BOC: variants seen among roughly 807,000 people sequenced by gnomAD.
The protein encoded by BOC is brother of CDO.
In BOC, 76 loss-of-function variants were observed where a neutral mutation model predicts 112.0. The observed-to-expected ratio is 0.68, with a 90% CI of 0.56 to 0.82. The LOEUF is 0.82. Ranked by LOEUF, BOC falls within the 40% of genes least tolerant of loss-of-function variation. The pLI, the probability that BOC is intolerant of heterozygous loss-of-function variation, is 0.00. For missense variants in BOC, 1,309 were observed against 1,511.7 expected, an observed-to-expected ratio of 0.87 and a Z score of 2.22; for synonymous variants, 580 against 599.8, an observed-to-expected ratio of 0.97 and a Z score of 0.48.
intron 2 of BOC, among the ~76,000 whole-genome samples, chr3:113,236,320 A>ATATATATATATATATATATAT (rs1553726986): frequency 3.2e-5 from 3 of 93,830 alleles, no homozygotes; most frequent in African/African-American, 6.5e-5. Flanking sequence ...ATACCCATGG[A>ATATATATATATATATATATAT]ATACTGCTCA....
chr3:113,284,746 C>T (rs775316219), intron 17 of BOC, 36 bp from the exon 18 acceptor site: 13 of 1,596,116 alleles, frequency 8.1e-6, no homozygotes, highest in African/African-American at 8.0e-5. Flanking sequence ...CTGGACTCCC[C>T]GGCGTGGCCG....
chr3:113,278,339 AC>A lies in BOC; in HGVS notation c.1705+84del. The A allele has an allele frequency of 6.9e-7, 1 of 1,448,908 alleles. No individual in the cohort carries two copies. The allele number at this position is 1,448,908 out of a possible 1,614,324, so 89.8% of individuals were successfully genotyped here. ...CTGGCCCAGGTGAGAATTCCTGCTC[AC>A]CTTGCCCCAGCTGTTCACCTTGAAC... On this transcript the variant is annotated intron_variant, in intron 10 of 19. Transcript: ENST00000682979. This position sits in a 1 kb window ranked among gnomAD's most constrained non-coding sequence, Gnocchi z 4.2.
chr3:113,277,855 G>T (rs1024139339), intron 9 of BOC, among the ~76,000 whole-genome samples: 12 of 152,214 alleles, frequency 7.9e-5, no homozygotes, highest in Non-Finnish European at 1.5e-5. Flanking sequence ...CCCCCACTGA[G>T]GTTTCTTTGA....
chr3:113,212,968 G>A (rs1938533592), intron 1 of BOC, among the ~76,000 whole-genome samples: 1 of 152,178 alleles, frequency 6.6e-6, no homozygotes, highest in African/African-American at 2.4e-5. Flanking sequence ...GCTGAGGGAT[G>A]AGAGAGGCAG....
intron 4 of BOC, among the ~76,000 whole-genome samples, chr3:113,252,170 G>C (rs1460799828): frequency 6.6e-6 from 1 of 152,220 alleles, no homozygotes; most frequent in Non-Finnish European, 1.5e-5. Context: ...CCTGTGGCCA[G>C]GAAGCTTAAA....
intron 2 of BOC, among the ~76,000 whole-genome samples, chr3:113,247,392 GCTTA>G (rs1036420538): frequency 4.7e-5 from 7 of 150,256 alleles, no homozygotes; most frequent in Non-Finnish European, 8.8e-5. Context: ...GAAACCAAAA[GCTTA>G]CTTTTTGGTG....
Position 113,281,069 on chromosome 3 carries a change from G to A in BOC, c.2350G>A (p.Glu784Lys). Residue 784 changes from glutamate (E) to lysine (K), a missense_variant, in exon 15 of 20, where the codon GAG becomes AAG. By Grantham distance (56) the Glu-to-Lys change is moderately conservative (BLOSUM62 1). Transcript: ENST00000682979. ...GCACTCCATCAGCCACCTGCAGCCA[G>A]AGACCTCCTACGACATTAAGATGCA... ...YWHSISHLQPETSYDIKMQCF... is the reference protein window; with the variant it reads ...YWHSISHLQPKTSYDIKMQCF... 6.2e-7 allele frequency: 1 copy of A among 1,614,096 alleles called. No individual in the cohort carries two copies. The highest frequency in any genetic ancestry group is 8.5e-7 in the Non-Finnish European group (1 of 1,180,020).
At chr3:113,251,051 G>A in intron 4 of BOC, 6 of 627,428 alleles carry the variant, frequency 9.6e-6, no homozygotes, top group Non-Finnish European at 1.7e-5. Flanking sequence ...GCTGTATCTG[G>A]AGTGAGTGTC....
chr3:113,260,716 ACAGAAAGAAC>A (rs1300219256), intron 4 of BOC, among the ~76,000 whole-genome samples: 44 of 99,064 alleles, frequency 4.4e-4, no homozygotes, highest in East Asian at 2.5e-3. Flanking sequence ...ACAGAACAGA[ACAGAAAGAAC>A]AGAACAGAAC....
chr3:113,228,335 C>G (rs1049173941), intron 2 of BOC, among the ~76,000 whole-genome samples: 10 of 152,064 alleles, frequency 6.6e-5, no homozygotes, highest in African/African-American at 2.4e-4. Flanking sequence ...AATGACAGAG[C>G]CTCTCAGGTG....
rs914790657 is a variant in BOC, at chr3:113,274,020, T to G, written c.1235-355T>G. Among the ~76,000 whole-genome samples the G allele has an allele frequency of 2.6e-5, 4 of 152,152 alleles. No individual in the cohort carries two copies. Among genetic ancestry groups the G allele is most frequent in the African/African-American group, 9.7e-5 (4 of 41,438 alleles). On this transcript the variant is annotated intron_variant, in intron 8 of 19. Coordinates refer to ENST00000682979, the MANE Select transcript of BOC (RefSeq NM_001378074.1). This position sits in a 1 kb window ranked among gnomAD's most constrained non-coding sequence, Gnocchi z 4.8. ...TAAAATTCCACCATGAAGGGACATG[T>G]CCCCACCTCCAGCCTAGACCGAGAA...
intron 2 of BOC, among the ~76,000 whole-genome samples, chr3:113,229,761 A>G (rs1020329891): frequency 4.6e-5 from 7 of 152,248 alleles, no homozygotes; most frequent in Non-Finnish European, 1.0e-4. Flanking sequence ...ATTTCTTTGA[A>G]ATGATACAGT....
chr3:113,249,853 A>C lies in BOC; in HGVS notation c.51A>C (p.Thr17=), dbSNP rs1576410911. 1.9e-6 allele frequency: 3 copies of C among 1,613,754 alleles called. No homozygotes were observed. The highest frequency in any genetic ancestry group is 2.5e-6 in the Non-Finnish European group (3 of 1,179,934). Residue 17 remains threonine, a synonymous_variant, in exon 3 of 20, where the codon ACA becomes ACC. Transcript: ENST00000682979. The part of the protein sequence containing the change: ...TAWRGMRPEV[T]LACLLLATAG... ...GGAGAGGAATGAGGCCTGAGGTCAC[A>C]CTGGCTTGCCTCCTCCTAGCCACAG... is the stretch of plus-strand genomic sequence containing the variant.
At chr3:113,223,872 G>C (rs1168892994) in intron 2 of BOC, among the ~76,000 whole-genome samples, 1 of 152,236 alleles carries the variant, frequency 6.6e-6, no homozygotes, top group African/African-American at 2.4e-5. Flanking sequence ...GAGCCCTGCA[G>C]GTCTGCAGTG....
intron 2 of BOC, among the ~76,000 whole-genome samples, chr3:113,222,786 C>G (rs1042925768): frequency 2.0e-5 from 3 of 152,188 alleles, no homozygotes; most frequent in African/African-American, 7.2e-5. Flanking sequence ...TGTGCCTGGG[C>G]CATCCACTTT....
chr3:113,218,368 A>G (rs532103876), intron 2 of BOC, among the ~76,000 whole-genome samples: 1 of 152,300 alleles, frequency 6.6e-6, no homozygotes, highest in South Asian at 2.1e-4. Context: ...TTAATTGGAG[A>G]GGAAAATTGG....
Position 113,274,799 on chromosome 3 carries a change from C to G in BOC, c.1542+117C>G. The G allele has an allele frequency of 1.9e-6, 2 of 1,078,092 alleles. No individual in the cohort carries two copies. The highest frequency in any genetic ancestry group is 1.3e-6 in the Non-Finnish European group (1 of 765,928). 66.8% of individuals were successfully genotyped at this position (1,078,092 alleles called of 1,614,324 possible). On this transcript the variant is annotated intron_variant, in intron 9 of 19. Coordinates refer to ENST00000682979, the MANE Select transcript of BOC (RefSeq NM_001378074.1). The surrounding 1 kb of genome is among the most constrained non-coding windows in gnomAD (Gnocchi z 4.8). ...GCTCCTGAAGCCTGAGCCGGTAATC[C>G]CCACCACTAAACAGGCCCTTCTGTC...
At chr3:113,251,118 G>C in intron 4 of BOC, 1 of 588,658 alleles carries the variant, frequency 1.7e-6, no homozygotes, top group Non-Finnish European at 3.0e-6. Context: ...GAACTGTTCC[G>C]TGGGCCCCAG....
intron 2 of BOC, among the ~76,000 whole-genome samples, chr3:113,233,371 G>A (rs568196706): frequency 1.4e-3 from 206 of 152,202 alleles, no homozygotes; most frequent in African/African-American, 4.7e-3. Context: ...TAATCATCAC[G>A]AGGAAGGGGC....
Sources: gnomAD v4.1 joint callset for allele counts (sites outside exome capture counted in the v4.1 genomes callset) on GRCh38, gnomAD v4.1.1 for gene constraint, Gnocchi (gnomAD v3.1) non-coding constraint, MANE v1.5 for transcripts, NCBI Gene and HGNC (gene_info 2026-07-23, HGNC 2026-07-21) for gene names.